The following NOX3 variants were observed in gnomAD, a reference collection of about 807,000 sequenced individuals.
The protein encoded by NOX3 is NADPH oxidase 3.
Under a neutral mutation model 76.7 loss-of-function variants are expected in NOX3, and 74 were observed. The ratio of observed to expected loss-of-function variants is 0.96; its 90% CI spans 0.80 to 1.17. NOX3 has a LOEUF of 1.17. NOX3 is among the 50% of genes most tolerant of loss of function. The pLI, the probability that NOX3 is intolerant of heterozygous loss-of-function variation, is 0.00. For synonymous variants in NOX3, 263 were observed against 261.1 expected, an observed-to-expected ratio of 1.01 and a Z score of -0.07; for missense variants, 695 against 703.3, an observed-to-expected ratio of 0.99 and a Z score of 0.13.
At chr6:155,446,109 C>A (rs889614054) in intron 4 of NOX3, among the ~76,000 whole-genome samples, 2 of 151,436 alleles carry the variant, frequency 1.3e-5, no homozygotes, top group South Asian at 4.2e-4. Flanking sequence ...GTTTCCGCAT[C>A]GTGATGTTTA....
chr6:155,398,097 C>A (rs1424854201), intron 12 of NOX3, among the ~76,000 whole-genome samples: 3 of 152,152 alleles, frequency 2.0e-5, no homozygotes. Context: ...TTGAATATTA[C>A]TATTCTTTGT....
At chr6:155,404,631 C>A (rs993344673) in intron 12 of NOX3, among the ~76,000 whole-genome samples, 1 of 152,180 alleles carries the variant, frequency 6.6e-6, no homozygotes, top group Non-Finnish European at 1.5e-5. Flanking sequence ...CAAAGTGATG[C>A]TTTTCTTGGG....
At chr6:155,421,638 A>G (rs1776691131) in intron 10 of NOX3, among the ~76,000 whole-genome samples, 1 of 152,112 alleles carries the variant, frequency 6.6e-6, no homozygotes, top group Admixed American at 6.5e-5. Flanking sequence ...ATCACGGCTC[A>G]CTGCTTTGAA....
chr6:155,413,394 G>A (rs944500693), intron 10 of NOX3, among the ~76,000 whole-genome samples: 4 of 151,940 alleles, frequency 2.6e-5, no homozygotes, highest in African/African-American at 7.3e-5. Flanking sequence ...TGGGGCCGTT[G>A]TAGACTTTCC....
At position 155,455,054 on chromosome 6, in the gene NOX3, A is replaced by T; in HGVS notation, c.124T>A (p.Tyr42Asn). The change falls in exon 2 of 14, where the codon TAC (tyrosine) becomes AAC (asparagine). Residue 42 changes from tyrosine to asparagine, a missense_variant. Tyr to Asn is a moderately radical substitution (Grantham distance 143). Transcript: ENST00000159060. ...CTTACACCCAAAATAACTCGTGTGT[A>T]ATGGAAAGACTCCTCCTCTTCATAC... The part of the protein sequence containing the change: ...YWYEEEESFH[Y>N]TRVILGSTLA... 1 of 1,612,554 alleles carries T rather than the reference A, an allele frequency of 6.2e-7. No homozygotes were observed.
At chr6:155,402,299 G>A (rs1779242037) in intron 12 of NOX3, among the ~76,000 whole-genome samples, 1 of 152,082 alleles carries the variant, frequency 6.6e-6, no homozygotes, top group South Asian at 2.1e-4. Context: ...ACTTTTCTGT[G>A]CTTTATCTAA....
chr6:155,416,971 C>T (rs962528496), intron 10 of NOX3, among the ~76,000 whole-genome samples: 1 of 151,830 alleles, frequency 6.6e-6, no homozygotes, highest in African/African-American at 2.4e-5. Flanking sequence ...GGCTGGTCTC[C>T]AACTCCTGGC....
intron 13 of NOX3, among the ~76,000 whole-genome samples, chr6:155,395,833 G>T (rs1380322052): frequency 6.6e-6 from 1 of 152,134 alleles, no homozygotes; most frequent in Non-Finnish European, 1.5e-5. Flanking sequence ...TGGGGCAGAA[G>T]TTGAGTAGGA....
At chr6:155,442,648 G>C (rs1409062875) in intron 5 of NOX3, among the ~76,000 whole-genome samples, 1 of 152,208 alleles carries the variant, frequency 6.6e-6, no homozygotes, top group African/African-American at 2.4e-5. Context: ...TCTTCATCTC[G>C]GAACATAGAT....
chr6:155,415,589 G>A (rs1361613817), intron 10 of NOX3, among the ~76,000 whole-genome samples: 2 of 152,224 alleles, frequency 1.3e-5, no homozygotes, highest in African/African-American at 2.4e-5. Flanking sequence ...ACAGCTCAGC[G>A]TTGTGAGCCT....
chr6:155,448,124 C>A (rs572637918), intron 4 of NOX3, among the ~76,000 whole-genome samples: 1 of 152,244 alleles, frequency 6.6e-6, no homozygotes, highest in East Asian at 1.9e-4. Context: ...AGTCACCTAA[C>A]TTCTTTTAGG....
chr6:155,398,759 C>T (rs1779173705), intron 12 of NOX3, among the ~76,000 whole-genome samples: 1 of 152,196 alleles, frequency 6.6e-6, no homozygotes, highest in Admixed American at 6.5e-5. Flanking sequence ...CACTTCGTTG[C>T]TGGGTAACTT....
intron 5 of NOX3, among the ~76,000 whole-genome samples, chr6:155,442,947 G>A (rs914366655): frequency 2.6e-5 from 4 of 152,056 alleles, no homozygotes; most frequent in African/African-American, 7.2e-5. Context: ...TAACATCAGT[G>A]AAAAAATATC....
At chr6:155,444,788 CCT>C (rs1388687837) in intron 4 of NOX3, among the ~76,000 whole-genome samples, 8 of 152,124 alleles carry the variant, frequency 5.3e-5, no homozygotes, top group East Asian at 1.9e-4. Flanking sequence ...AGTACTATCC[CCT>C]GTTTCAGGCA....
intron 4 of NOX3, among the ~76,000 whole-genome samples, chr6:155,447,727 C>T (rs1777082171): frequency 6.6e-6 from 1 of 152,200 alleles, no homozygotes; most frequent in Non-Finnish European, 1.5e-5. Flanking sequence ...CAGGCATTCT[C>T]AGAGAGAAAA....
chr6:155,398,400 G>T (rs162999), intron 12 of NOX3, among the ~76,000 whole-genome samples: 53,469 of 151,932 alleles, frequency 0.35, 12,419 homozygotes, highest in African/African-American at 0.66. Context: ...AGTGCCTATA[G>T]AGCCTAGTTC....
At chr6:155,395,980 T>C (rs1372816195) in intron 13 of NOX3, among the ~76,000 whole-genome samples, 1 of 152,112 alleles carries the variant, frequency 6.6e-6, no homozygotes, top group Non-Finnish European at 1.5e-5. Context: ...AACATAAAAT[T>C]TATTTGTAAA....
chr6:155,402,379 A>G (rs182400048), intron 12 of NOX3, among the ~76,000 whole-genome samples: 114 of 152,334 alleles, frequency 7.5e-4, no homozygotes, highest in South Asian at 1.7e-3. Flanking sequence ...TAATGCATCC[A>G]CTTAATATTT....
intron 1 of NOX3, 48 bp from the exon 2 acceptor site, chr6:155,455,177 T>G (rs1267314817): frequency 8.0e-7 from 1 of 1,248,274 alleles, no homozygotes; most frequent in Non-Finnish European, 1.2e-6. Context: ...TTCAAGCTTT[T>G]TCTCTATTCA....
Sources: allele counts gnomAD v4.1 joint callset (sites outside exome capture counted in the v4.1 genomes callset), GRCh38; gene constraint gnomAD v4.1.1; transcripts MANE v1.5; gene names NCBI Gene and HGNC (gene_info 2026-07-23, HGNC 2026-07-21).